Variants in PTPRD observed in about 807,000 individuals in gnomAD.
The protein encoded by PTPRD is receptor-type tyrosine-protein phosphatase delta.
Under a neutral mutation model 214.5 loss-of-function variants are expected in PTPRD, and 34 were observed. The observed-to-expected ratio is 0.16, with a 90% CI of 0.12 to 0.21. The LOEUF (loss-of-function observed/expected upper bound fraction) is 0.21. PTPRD is among the 10% of genes least tolerant of loss of function. PTPRD has a pLI of 1.00. For synonymous variants in PTPRD, 1,128 were observed against 845.7 expected (o/e 1.33, Z -5.79); for missense variants, 2,545 against 2,398.7 (o/e 1.06, Z -1.27).
intron 5 of PTPRD, among the ~76,000 whole-genome samples, chr9:9,835,497 A>G (rs1025076534): frequency 1.3e-5 from 2 of 152,136 alleles, no homozygotes; most frequent in African/African-American, 4.8e-5. Context: ...ACTGGAATAG[A>G]GTATGCGGAA....
intron 3 of PTPRD, among the ~76,000 whole-genome samples, chr9:10,179,445 G>A (rs541014270): frequency 6.6e-6 from 1 of 151,980 alleles, no homozygotes; most frequent in South Asian, 2.1e-4. Context: ...TTGTCTAAAT[G>A]AACAATAGTA....
intron 4 of PTPRD, among the ~76,000 whole-genome samples, chr9:9,953,968 C>T (rs2093675104): frequency 6.6e-6 from 1 of 151,952 alleles, no homozygotes; most frequent in South Asian, 2.1e-4. Context: ...CATCCATTTG[C>T]TACCTTGAAG....
intron 2 of PTPRD, among the ~76,000 whole-genome samples, chr9:10,386,229 C>T (rs571398509): frequency 6.6e-6 from 1 of 151,848 alleles, no homozygotes; most frequent in South Asian, 2.1e-4. Flanking sequence ...ACCACCAACA[C>T]ACACGTACAG....
At chr9:10,309,233 A>G (rs796529923) in intron 3 of PTPRD, among the ~76,000 whole-genome samples, 4 of 152,114 alleles carry the variant, frequency 2.6e-5, no homozygotes, top group African/African-American at 9.6e-5. Flanking sequence ...TAATTTTTCC[A>G]CTTACTTTCT....
At chr9:9,027,095 T>A (rs1263468533) in intron 10 of PTPRD, among the ~76,000 whole-genome samples, 1 of 151,686 alleles carries the variant, frequency 6.6e-6, no homozygotes, top group East Asian at 1.9e-4. Context: ...CCCATTACTA[T>A]TTCAGATTGT....
chr9:8,985,687 G>C (rs1038779190), intron 11 of PTPRD, among the ~76,000 whole-genome samples: 1 of 151,554 alleles, frequency 6.6e-6, no homozygotes, highest in Non-Finnish European at 1.5e-5. Flanking sequence ...GGTAAAGCTG[G>C]GATACATTTC....
At chr9:9,220,779 A>C (rs529879735) in intron 9 of PTPRD, among the ~76,000 whole-genome samples, 66 of 152,230 alleles carry the variant, frequency 4.3e-4, no homozygotes, top group African/African-American at 1.4e-3. Flanking sequence ...TCACAAAATC[A>C]GTTTGTCCCC....
chr9:10,317,372 G>T (rs1457271856), intron 3 of PTPRD, among the ~76,000 whole-genome samples: 1 of 151,808 alleles, frequency 6.6e-6, no homozygotes, highest in African/African-American at 2.4e-5. Flanking sequence ...TTTTACTTTT[G>T]TTCATAGGCC....
chr9:9,417,358 T>A (rs1012060293), intron 8 of PTPRD, among the ~76,000 whole-genome samples: 5 of 152,134 alleles, frequency 3.3e-5, no homozygotes, highest in African/African-American at 1.2e-4. Context: ...AAATCAATTC[T>A]AATTTTACAT....
chr9:9,327,673 A>G (rs1033415210), intron 9 of PTPRD, among the ~76,000 whole-genome samples: 7 of 152,114 alleles, frequency 4.6e-5, no homozygotes, highest in African/African-American at 1.4e-4. Context: ...AATAACAATA[A>G]TAAGACTTTC....
At chr9:10,059,329 C>G (rs566432097) in intron 3 of PTPRD, among the ~76,000 whole-genome samples, 1 of 152,184 alleles carries the variant, frequency 6.6e-6, no homozygotes, top group African/African-American at 2.4e-5. Flanking sequence ...GCATAGCAAC[C>G]TCGGGTAAAT....
At chr9:8,887,842 C>T (rs1487541708) in intron 11 of PTPRD, among the ~76,000 whole-genome samples, 1 of 152,202 alleles carries the variant, frequency 6.6e-6, no homozygotes, top group Non-Finnish European at 1.5e-5. Context: ...TATTTCCCCG[C>T]CACTTTCAGC....
chr9:10,129,081 C>T (rs1489160994), intron 3 of PTPRD, among the ~76,000 whole-genome samples: 1 of 152,034 alleles, frequency 6.6e-6, no homozygotes, highest in Non-Finnish European at 1.5e-5. Flanking sequence ...TCCAATGTAA[C>T]AAATAATGTA....
intron 7 of PTPRD, among the ~76,000 whole-genome samples, chr9:9,654,371 A>G (rs896805238): frequency 1.4e-4 from 22 of 152,160 alleles, no homozygotes; most frequent in African/African-American, 4.8e-4. Flanking sequence ...TATGTAAATT[A>G]TATTTATACA....
chr9:8,780,372 G>C (rs947399139), intron 11 of PTPRD, among the ~76,000 whole-genome samples: 4 of 144,568 alleles, frequency 2.8e-5, no homozygotes, highest in Non-Finnish European at 4.6e-5. Flanking sequence ...AGCTCAACCT[G>C]CGCTAGGCAC....
chr9:9,335,995 G>C (rs1224691435), intron 9 of PTPRD, among the ~76,000 whole-genome samples: 3 of 151,842 alleles, frequency 2.0e-5, no homozygotes, highest in Non-Finnish European at 4.4e-5. Flanking sequence ...AGAAATCTAA[G>C]AAATTGGAAT....
At chr9:9,597,602 C>A (rs560905449) in intron 7 of PTPRD, among the ~76,000 whole-genome samples, 1 of 151,992 alleles carries the variant, frequency 6.6e-6, no homozygotes, top group South Asian at 2.1e-4. Flanking sequence ...TTTTACAAAG[C>A]TGGGGGAAGT....
intron 5 of PTPRD, among the ~76,000 whole-genome samples, chr9:9,877,552 G>A (rs891075599): frequency 1.3e-5 from 2 of 152,162 alleles, no homozygotes; most frequent in Non-Finnish European, 2.9e-5. Flanking sequence ...TAGGTGAAAG[G>A]AGGAAGGAGA....
At chr9:9,838,948 G>A (rs1184105887) in intron 5 of PTPRD, among the ~76,000 whole-genome samples, 1 of 151,978 alleles carries the variant, frequency 6.6e-6, no homozygotes, top group African/African-American at 2.4e-5. Flanking sequence ...TTTGTATAAG[G>A]TGTAAGGAAG....
Sources: gnomAD v4.1 joint callset for allele counts (sites outside exome capture counted in the v4.1 genomes callset) on GRCh38, gnomAD v4.1.1 for gene constraint, MANE v1.5 for transcripts, NCBI Gene and HGNC (gene_info 2026-07-23, HGNC 2026-07-21) for gene names.